The following PIGG variants were observed in gnomAD, a reference collection of about 807,000 sequenced individuals.
PIGG encodes the protein phosphatidylinositol glycan anchor biosynthesis class G (EMM blood group).
A neutral mutation model predicts 83.2 loss-of-function variants in PIGG; 70 were observed. That is an observed-to-expected ratio of 0.84 (90% confidence interval 0.69 to 1.03). PIGG has a LOEUF of 1.03. PIGG is among the 50% of genes least tolerant of loss of function. PIGG has a pLI of 0.00. For missense variants in PIGG, 1,257 were observed against 1,233.6 expected, an observed-to-expected ratio of 1.02 and a Z score of -0.28; for synonymous variants, 532 against 519.5, an observed-to-expected ratio of 1.02 and a Z score of -0.33.
Position 520,985 on chromosome 4 carries a change from T to A in PIGG, c.1115-71T>A, listed in dbSNP as rs1041428572. 2.8e-6 allele frequency: 3 copies of A among 1,070,272 alleles called. No individual in the cohort carries two copies. The African/African-American group carries it at 4.7e-5, about 17-fold the overall frequency. 66.3% of individuals were successfully genotyped at this position (1,070,272 alleles called of 1,614,324 possible). A position where few individuals can be genotyped will look rare whatever the true frequency, so the allele number is the denominator to read the frequency against. ...CGTGTGCCATGCATAACCGAATACT[T>A]TGAGATTATGTATATAAATGTATGT... On this transcript the variant is annotated intron_variant, in intron 6 of 12. Coordinates refer to ENST00000453061, the MANE Select transcript of PIGG (RefSeq NM_001127178.3).
intron 12 of PIGG, among the ~76,000 whole-genome samples, chr4:537,924 C>T (rs1731060104): frequency 6.6e-6 from 1 of 152,208 alleles, no homozygotes; most frequent in African/African-American, 2.4e-5. Context: ...AGGACACCCT[C>T]AAGTAATACC....
intron 11 of PIGG, chr4:532,094 C>G (rs1348945603): frequency 6.6e-6 from 1 of 152,356 alleles, no homozygotes; most frequent in African/African-American, 2.4e-5. Context: ...TACTTCCTGC[C>G]CTCGACTGGG....
At chr4:538,100 G>C (rs1731162739) in intron 12 of PIGG, among the ~76,000 whole-genome samples, 1 of 151,996 alleles carries the variant, frequency 6.6e-6, no homozygotes, top group African/African-American at 2.4e-5. Context: ...GCCCTTTACA[G>C]GACATGCAGC....
Position 528,598 on chromosome 4 carries a change from C to T in PIGG, c.2261+1368C>T. The T allele has an allele frequency of 1.0e-6, 1 of 985,396 alleles. No homozygotes were observed. The highest frequency in any genetic ancestry group is 1.7e-5 in the African/African-American group (1 of 57,334). 61.0% of individuals were successfully genotyped at this position (985,396 alleles called of 1,614,324 possible). On this transcript the variant is annotated intron_variant, in intron 10 of 12. Coordinates refer to ENST00000453061, the MANE Select transcript of PIGG (RefSeq NM_001127178.3). The surrounding 1 kb of genome is among the most constrained non-coding windows in gnomAD (Gnocchi z 4.8). ...CTGACGTGCAGGTACCAGCGGTGTT[C>T]TGTGGAGATGTCTCAAAGGCTGTTG...
intron 2 of PIGG, 69 bp from the exon 3 acceptor site, chr4:505,649 A>AAAC: frequency 2.7e-6 from 3 of 1,104,412 alleles, no homozygotes; most frequent in Admixed American, 2.2e-5. Flanking sequence ...AAAAAAAAAA[A>AAAC]TCTTCAGTGC....
At chr4:500,179 A>G (rs1450129000) in intron 1 of PIGG, 11 of 576,482 alleles carry the variant, frequency 1.9e-5, no homozygotes, top group Non-Finnish European at 3.4e-5. Context: ...AGGATAATTC[A>G]CTGCTTGCTA....
chr4:501,711 C>G (rs1417092577), intron 2 of PIGG: 1 of 153,566 alleles, frequency 6.5e-6, no homozygotes, highest in East Asian at 1.9e-4. Context: ...CTCTCTCTGC[C>G]GCATTTCAAT....
At chr4:518,035 C>T (rs1023443819) in intron 6 of PIGG, among the ~76,000 whole-genome samples, 1 of 152,092 alleles carries the variant, frequency 6.6e-6, no homozygotes, top group South Asian at 2.1e-4. Flanking sequence ...GTAAACCGGC[C>T]TCCTAGAGTC....
At chr4:499,636 C>T in intron 1 of PIGG, 147 bp downstream of exon 1, 3 of 1,419,744 alleles carry the variant, frequency 2.1e-6, no homozygotes, top group Non-Finnish European at 1.8e-6. Flanking sequence ...TTTTTTTAAC[C>T]GCTCCAGCGT....
intron 3 of PIGG, 152 bp downstream of exon 3, chr4:506,079 C>G (rs782550889): frequency 3.5e-5 from 22 of 628,026 alleles, no homozygotes; most frequent in Non-Finnish European, 6.1e-5. Context: ...ATTATTCACT[C>G]ACATAATCAG....
In PIGG at chr4:499,647, C is replaced by G. The variant is rs946018980; in HGVS notation, c.154+158C>G. 1.9e-5 allele frequency: 27 copies of G among 1,419,308 alleles called. No individual in the cohort carries two copies. In the Admixed American group the frequency reaches 3.2e-4, roughly 17 times the overall value. 87.9% of individuals were successfully genotyped at this position (1,419,308 alleles called of 1,614,324 possible). A position where few individuals can be genotyped will look rare whatever the true frequency, so the allele number is the denominator to read the frequency against. ...AAATTTTTTTTAACCGCTCCAGCGT[C>G]TCTTTTCTGTATTCTTACAACTTTG... On this transcript the variant is annotated intron_variant, in intron 1 of 12. Transcript: ENST00000453061.
At chr4:500,355 G>A (rs1553874874) in intron 1 of PIGG, 41 bp from the exon 2 acceptor site, 3 of 1,439,264 alleles carry the variant, frequency 2.1e-6, no homozygotes, top group East Asian at 2.3e-5. Context: ...GCTAAGGAAA[G>A]TTTAGAGTTC....
chr4:521,954 G>A lies in PIGG; in HGVS notation c.1614+13G>A. On this transcript the variant is annotated intron_variant, in intron 8 of 12. Coordinates refer to ENST00000453061, the MANE Select transcript of PIGG (RefSeq NM_001127178.3). ...CACCCCAAGGAAGGTACGTACGGCT[G>A]GTTCCTGGGAGTGTGACGTAGTCCT... 1 of 1,613,760 alleles carries A rather than the reference G, an allele frequency of 6.2e-7. No homozygotes were observed. The highest frequency in any genetic ancestry group is 8.5e-7 in the Non-Finnish European group (1 of 1,179,736).
At position 521,882 on chromosome 4, in the gene PIGG, CTG is replaced by C. The variant is rs1293009471; in HGVS notation, c.1562_1563del (p.Val521AspfsTer81). ...GGVMVLASAL[L>X]CVIVSVLTNV... is the part of the protein sequence containing the mutation. ...GGTGATGGTGCTGGCCTCGGCGCTG[CTG>C]TGTGTGATTGTGTCTGTTCTGACCA... On this transcript the variant is annotated frameshift_variant, in exon 8 of 13. Coordinates refer to ENST00000453061, the MANE Select transcript of PIGG (RefSeq NM_001127178.3). LOFTEE classifies it high-confidence loss of function. 6.2e-7 allele frequency: 1 copy of C among 1,614,060 alleles called. No homozygotes were observed. The highest frequency in any genetic ancestry group is 1.6e-4 in the Middle Eastern group (1 of 6,084).
rs575660171 is a variant in PIGG at position 512,625 on chromosome 4, A to G, written c.902-3348A>G. 2.6e-4 allele frequency among the ~76,000 whole-genome samples: 39 copies of G among 151,882 alleles called. No individual in the cohort carries two copies. The East Asian group carries it at 3.2e-3, about 12-fold the overall frequency. ...AGGGCAGAAGTTCGAGACCAGCCTG[A>G]CCAACACGGTGAAACCCCGTCTCTA... On this transcript the variant is annotated intron_variant, in intron 5 of 12. Transcript: ENST00000453061.
intron 5 of PIGG, among the ~76,000 whole-genome samples, chr4:512,557 T>TCGCC (rs1560301581): frequency 1.3e-5 from 2 of 151,966 alleles, no homozygotes; most frequent in Non-Finnish European, 2.9e-5. Context: ...GGTGGCTCAT[T>TCGCC]TGTAATCCCA....
intron 6 of PIGG, among the ~76,000 whole-genome samples, chr4:516,854 C>CAAAAA: frequency 2.2e-5 from 1 of 46,504 alleles, no homozygotes; most frequent in Non-Finnish European, 4.1e-5. Context: ...GACTCTGCCT[C>CAAAAA]AAAAAAAAAA....
intron 12 of PIGG, among the ~76,000 whole-genome samples, chr4:534,760 C>A: frequency 6.6e-6 from 1 of 152,122 alleles, no homozygotes; most frequent in East Asian, 1.9e-4. Flanking sequence ...ACATCCCCAT[C>A]TCCTGGCAGC....
intron 8 of PIGG, 49 bp from the exon 9 acceptor site, chr4:523,410 T>C: frequency 2.3e-6 from 3 of 1,302,420 alleles, no homozygotes; most frequent in Non-Finnish European, 3.3e-6. Flanking sequence ...CAGCAAGATG[T>C]GTGTCGTTAT....
Sources: allele counts gnomAD v4.1 joint callset (sites outside exome capture counted in the v4.1 genomes callset), GRCh38; gene constraint gnomAD v4.1.1; non-coding constraint Gnocchi (gnomAD v3.1); transcripts MANE v1.5; gene names NCBI Gene and HGNC (gene_info 2026-07-23, HGNC 2026-07-21).